CAND2: variants seen among roughly 807,000 people sequenced by gnomAD.
CAND2 encodes cullin-associated NEDD8-dissociated protein 2.
CAND2 carries 62 observed loss-of-function variants against 98.9 expected under a neutral mutation model. The observed-to-expected ratio is 0.63, with a 90% CI of 0.51 to 0.77. The LOEUF is 0.77. Among genes scored for constraint, CAND2 ranks in the 30% least tolerant of loss-of-function variants. CAND2 has a pLI of 0.00. For synonymous variants in CAND2, 770 were observed against 731.9 expected, an observed-to-expected ratio of 1.05 and a Z score of -0.84; for missense variants, 1,501 against 1,655.2, an observed-to-expected ratio of 0.91 and a Z score of 1.62.
intron 10 of CAND2, 132 bp from the exon 11 acceptor site, chr3:12,819,954 T>A (rs1280694201): frequency 2.9e-6 from 2 of 680,564 alleles, no homozygotes; most frequent in African/African-American, 3.6e-5. Context: ...AGAATCCACT[T>A]TCCCAGAGAT....
rs760593457 is a variant in CAND2, at chr3:12,816,653, C to T, written c.1721C>T (p.Thr574Ile). The change falls in exon 10 of 15, where the codon ACC becomes ATC. Residue 574 changes from threonine (T) to isoleucine (I), a missense_variant. By Grantham distance (89) the Thr-to-Ile change is moderately conservative (BLOSUM62 -1). Coordinates refer to ENST00000456430, the MANE Select transcript of CAND2 (RefSeq NM_001162499.2). The part of the protein sequence containing the change: ...EPYVGEMSAV[T>I]LARLRATDLD... Reference sequence around the variant, plus strand: ...TATGTTGGAGAGATGTCTGCTGTCACCCTGGCGCGACTTCGTGCCACTGAC... The same window carrying T: ...TATGTTGGAGAGATGTCTGCTGTCATCCTGGCGCGACTTCGTGCCACTGAC... The T allele has an allele frequency of 9.9e-6, 16 of 1,613,692 alleles. No homozygotes were observed. The highest frequency in any genetic ancestry group is 4.0e-5 in the African/African-American group (3 of 74,936).
intron 10 of CAND2, among the ~76,000 whole-genome samples, chr3:12,818,271 AAAC>A (rs1423678399): frequency 6.6e-6 from 1 of 151,852 alleles, no homozygotes; most frequent in Non-Finnish European, 1.5e-5. Flanking sequence ...CCAAAAAAAA[AAAC>A]AAAACAAAAA....
At chr3:12,810,425 A>C in intron 5 of CAND2, 101 bp downstream of exon 5, 1 of 921,354 alleles carries the variant, frequency 1.1e-6, no homozygotes, top group Non-Finnish European at 1.3e-6. Flanking sequence ...CAGTGCAGCC[A>C]GGGCCTAAGG....
chr3:12,808,398 C>A, intron 4 of CAND2, 65 bp downstream of exon 4: 1 of 1,527,258 alleles, frequency 6.5e-7, no homozygotes, highest in Non-Finnish European at 8.9e-7. Flanking sequence ...GGACTCAAAT[C>A]ACAGAGCTAG....
In CAND2 at chr3:12,808,290, G is replaced by A. The variant is rs1460557960; in HGVS notation, c.448G>A (p.Val150Met). ...SAIAQQEDVA[V>M]QLEALDILSD... ...CATTGCCCAGCAGGAGGATGTGGCT[G>A]TGCAGCTGGAAGCCCTGGACATCCT... The change falls in exon 4 of 15, where the codon GTG (valine) becomes ATG (methionine). Residue 150 changes from valine to methionine, a missense_variant. Physicochemically the swap from Val to Met is conservative, Grantham distance 21. Around this residue, in one of 3 missense-constraint regions of CAND2, gnomAD observed 1,427 missense variants for 1,545.3 expected, o/e 0.92. Coordinates refer to ENST00000456430, the MANE Select transcript of CAND2 (RefSeq NM_001162499.2). The A allele has an allele frequency of 3.2e-6, 5 of 1,551,396 alleles. No individual in the cohort carries two copies. Among genetic ancestry groups the A allele is most frequent in the Non-Finnish European group, 4.4e-6 (5 of 1,146,970 alleles).
chr3:12,820,046 G>A, intron 10 of CAND2, 40 bp from the exon 11 acceptor site: 1 of 1,536,886 alleles, frequency 6.5e-7, no homozygotes, highest in Non-Finnish European at 9.0e-7. Flanking sequence ...TCCAGGATTG[G>A]CCCCTGCCCC....
At chr3:12,814,547 T>C (rs148136110) in intron 7 of CAND2, among the ~76,000 whole-genome samples, 13 of 152,300 alleles carry the variant, frequency 8.5e-5, no homozygotes, top group African/African-American at 3.1e-4. Context: ...TTCCTCTTTA[T>C]TAATCCTGCC....
Position 12,813,191 on chromosome 3 carries a change from C to A in CAND2, c.864-55C>A, listed in dbSNP as rs982120774. 1.0e-5 allele frequency: 16 copies of A among 1,602,316 alleles called. No homozygotes were observed. In the South Asian group the frequency reaches 1.8e-4, roughly 18 times the overall value. On this transcript the variant is annotated intron_variant, in intron 6 of 14. Coordinates refer to ENST00000456430, the MANE Select transcript of CAND2 (RefSeq NM_001162499.2). The stretch of plus-strand genomic sequence containing the variant: ...TTTCAGGACTCCCATTGGGCCCTGT[C>A]CCCCACTCCTGTCCTGGCTGGATCC...
rs1294349266 is a variant in CAND2, at chr3:12,820,255, C to G, written c.3040+74C>G. 4.3e-6 allele frequency: 5 copies of G among 1,165,006 alleles called. No homozygotes were observed. In the Admixed American group the frequency reaches 9.7e-5, roughly 23 times the overall value. The allele number at this position is 1,165,006 out of a possible 1,614,324, so 72.2% of individuals were successfully genotyped here. On this transcript the variant is annotated intron_variant, in intron 11 of 14. Transcript: ENST00000456430. ...GTCCTTGAGCTTGGGCTGATGTTTA[C>G]TACCCAATAGCCAAGGGCAATGGGA... is the stretch of plus-strand genomic sequence containing the variant.
chr3:12,831,324 G>A, intron 13 of CAND2, 141 bp from the exon 14 acceptor site: 1 of 690,968 alleles, frequency 1.4e-6, no homozygotes, highest in Non-Finnish European at 2.6e-6. Flanking sequence ...ACCCAGAGAG[G>A]GAGAGACTCT....
chr3:12,813,892 A>G (rs1338270206), intron 7 of CAND2, among the ~76,000 whole-genome samples: 1 of 152,188 alleles, frequency 6.6e-6, no homozygotes, highest in African/African-American at 2.4e-5. Flanking sequence ...CTTTCCTCCT[A>G]TGCCTGTGGT....
At chr3:12,800,169 C>T (rs2061755555) in intron 1 of CAND2, among the ~76,000 whole-genome samples, 1 of 152,206 alleles carries the variant, frequency 6.6e-6, no homozygotes, top group South Asian at 2.1e-4. Flanking sequence ...GAGGTGGGCA[C>T]AGTCAGTCCT....
intron 11 of CAND2, 70 bp from the exon 12 acceptor site, chr3:12,825,400 C>CG: frequency 1.4e-6 from 2 of 1,442,032 alleles, no homozygotes; most frequent in Non-Finnish European, 1.9e-6. Flanking sequence ...ACCAGATGGC[C>CG]GGGGTGGTGA....
chr3:12,805,048 T>C (rs2124837835), intron 2 of CAND2, among the ~76,000 whole-genome samples: 1 of 152,334 alleles, frequency 6.6e-6, no homozygotes, highest in East Asian at 1.9e-4. Context: ...AAAACCTACC[T>C]CTACACATAA....
At position 12,827,392 on chromosome 3, in the gene CAND2, T is replaced by C. The variant is rs532250825; in HGVS notation, c.3211-48T>C. Reference sequence around the variant, plus strand: ...GGTTTGTAGCAGAAGCTAGAAGAGGTGTCCTTACACCCTGGGGCCATATCA... The same window carrying C: ...GGTTTGTAGCAGAAGCTAGAAGAGGCGTCCTTACACCCTGGGGCCATATCA... On this transcript the variant is annotated intron_variant, in intron 12 of 14. Coordinates refer to ENST00000456430, the MANE Select transcript of CAND2 (RefSeq NM_001162499.2). The C allele has an allele frequency of 4.5e-6, 7 of 1,549,142 alleles. No individual in the cohort carries two copies. The South Asian group carries it at 5.9e-5, about 13-fold the overall frequency.
chr3:12,819,572 C>T (rs755943674), intron 10 of CAND2, among the ~76,000 whole-genome samples: 9 of 152,230 alleles, frequency 5.9e-5, no homozygotes, highest in Non-Finnish European at 7.3e-5. Flanking sequence ...GCCTCCCTGA[C>T]CACCAGCCAG....
chr3:12,807,505 T>C lies in CAND2; in HGVS notation c.367+45T>C, dbSNP rs1448004170. The C allele has an allele frequency of 2.7e-6, 4 of 1,493,048 alleles. No homozygotes were observed. In the South Asian group the frequency reaches 5.1e-5, roughly 19 times the overall value. The allele number at this position is 1,493,048 out of a possible 1,614,324, so 92.5% of individuals were successfully genotyped here. A position where few individuals can be genotyped will look rare whatever the true frequency, so the allele number is the denominator to read the frequency against. The stretch of plus-strand genomic sequence containing the variant: ...TAGGTACTGTTAGTATTTGTCCTAG[T>C]TTATGGTAAAAAAACAAACGAAAAA... On this transcript the variant is annotated intron_variant, in intron 3 of 14. Coordinates refer to ENST00000456430, the MANE Select transcript of CAND2 (RefSeq NM_001162499.2).
chr3:12,821,888 C>T (rs958355713), intron 11 of CAND2, among the ~76,000 whole-genome samples: 5 of 152,130 alleles, frequency 3.3e-5, no homozygotes, highest in African/African-American at 1.2e-4. Flanking sequence ...AGGTGGATAC[C>T]GCCATGGTTT....
intron 11 of CAND2, 86 bp from the exon 12 acceptor site, chr3:12,825,384 A>G: frequency 7.4e-7 from 1 of 1,347,620 alleles, no homozygotes; most frequent in Non-Finnish European, 1.0e-6. Context: ...CTGCACGTGC[A>G]CAGTAACCAG....
Sources: gnomAD v4.1 joint callset for allele counts (sites outside exome capture counted in the v4.1 genomes callset) on GRCh38, gnomAD v4.1.1 for gene constraint, gnomAD v4.1.1 regional missense constraint, MANE v1.5 for transcripts, NCBI Gene and HGNC (gene_info 2026-07-23, HGNC 2026-07-21) for gene names.